Variants in SCARB1 observed in about 807,000 individuals in gnomAD.
SCARB1 encodes the protein CD36 and LIMPII analogous 1.
SCARB1 carries 30 observed loss-of-function variants against 57.2 expected under a neutral mutation model. The ratio of observed to expected loss-of-function variants is 0.52; its 90% CI spans 0.39 to 0.71. The LOEUF (loss-of-function observed/expected upper bound fraction) is 0.71. SCARB1 is among the 30% of genes least tolerant of loss of function. The pLI is 0.00. For synonymous variants in SCARB1, 249 were observed against 268.3 expected, an observed-to-expected ratio of 0.93 and a Z score of 0.70; for missense variants, 543 against 671.2, an observed-to-expected ratio of 0.81 and a Z score of 2.11.
At chr12:124,862,923 T>C (rs912027373) in intron 1 of SCARB1, among the ~76,000 whole-genome samples, 5 of 152,176 alleles carry the variant, frequency 3.3e-5, no homozygotes, top group African/African-American at 9.6e-5. Context: ...TCAGAGGACC[T>C]TGGGCTGCTG....
At chr12:124,820,187 A>G (rs2135703841) in intron 1 of SCARB1, among the ~76,000 whole-genome samples, 1 of 152,298 alleles carries the variant, frequency 6.6e-6, no homozygotes. Context: ...ATGAGGTAAC[A>G]GAAGCGAGCA....
chr12:124,851,935 C>T (rs907277491), intron 1 of SCARB1, among the ~76,000 whole-genome samples: 1 of 152,048 alleles, frequency 6.6e-6, no homozygotes. Context: ...TAATGGCGCC[C>T]GGCCTATAAA....
chr12:124,819,341 G>C (rs145538401), intron 1 of SCARB1, among the ~76,000 whole-genome samples: 1 of 152,080 alleles, frequency 6.6e-6, no homozygotes, highest in Non-Finnish European at 1.5e-5. Flanking sequence ...TGAGCCAGTC[G>C]GAAGATGAGA....
At chr12:124,835,121 G>A (rs906701945) in intron 1 of SCARB1, among the ~76,000 whole-genome samples, 1 of 152,164 alleles carries the variant, frequency 6.6e-6, no homozygotes, top group African/African-American at 2.4e-5. Context: ...GACGGATGAG[G>A]CAATGTCTGA....
rs1372658778 is a variant in SCARB1, at chr12:124,863,831, G to A, written c.-111C>T. 4.7e-6 allele frequency: 6 copies of A among 1,289,456 alleles called. No homozygotes were observed. The East Asian group carries it at 1.9e-4, about 40-fold the overall frequency. 79.9% of individuals were successfully genotyped at this position (1,289,456 alleles called of 1,614,324 possible). A position where few individuals can be genotyped will look rare whatever the true frequency, so the allele number is the denominator to read the frequency against. ...GGACTCCGGGCACGCAGGCCGCAGA[G>A]GCACGGTGGATCCGGGACGGCAGCG... is the stretch of plus-strand genomic sequence containing the variant. On this transcript the variant is annotated 5_prime_UTR_variant, in exon 1 of 13. Coordinates refer to ENST00000261693, the MANE Select transcript of SCARB1 (RefSeq NM_005505.5).
rs1949634309 is a variant in SCARB1 at position 124,789,195 on chromosome 12, C to T, written c.1203-1738G>A. On this transcript the variant is annotated intron_variant, in intron 9 of 12. Coordinates refer to ENST00000261693, the MANE Select transcript of SCARB1 (RefSeq NM_005505.5). This position sits in a 1 kb window ranked among gnomAD's most constrained non-coding sequence, Gnocchi z 4.4. The stretch of plus-strand genomic sequence containing the variant: ...CATCAACAGTGATACAGTATGTTGA[C>T]GGAATGTACCCAAGATGCTCTGAAA... 6.6e-6 allele frequency among the ~76,000 whole-genome samples: 1 copy of T among 152,200 alleles called. No homozygotes were observed. Among genetic ancestry groups the T allele is most frequent in the African/African-American group, 2.4e-5 (1 of 41,446 alleles).
chr12:124,811,508 G>A (rs1300215376), intron 5 of SCARB1, among the ~76,000 whole-genome samples: 1 of 152,102 alleles, frequency 6.6e-6, no homozygotes, highest in Non-Finnish European at 1.5e-5. Flanking sequence ...CCTGACCTCA[G>A]GTGATCCCCC....
intron 9 of SCARB1, among the ~76,000 whole-genome samples, chr12:124,792,341 C>G (rs1225386424): frequency 1.3e-5 from 2 of 152,096 alleles, no homozygotes; most frequent in East Asian, 1.9e-4. Flanking sequence ...TCCCAGTCCA[C>G]AGGGAGGTCA....
At position 124,782,764 on chromosome 12, in the gene SCARB1, A is replaced by C. The variant is rs781314369; in HGVS notation, c.1449T>G (p.Asp483Glu). ...FWSSSKKGSK[D>E]KEAIQAYSES... Reference sequence around the variant, plus strand: ...CAGAATAGGCCTGAATGGCCTCCTTATCCTTTGAGCCCTTTTTACTACTAC... The same window carrying C: ...CAGAATAGGCCTGAATGGCCTCCTTCTCCTTTGAGCCCTTTTTACTACTAC... Residue 483 changes from aspartate to glutamate, a missense_variant, in exon 12 of 13, where the codon GAT (aspartate) becomes GAG (glutamate). By Grantham distance (45) the Asp-to-Glu change is conservative. Coordinates refer to ENST00000261693, the MANE Select transcript of SCARB1 (RefSeq NM_005505.5). 7.4e-6 allele frequency: 12 copies of C among 1,613,062 alleles called. No homozygotes were observed. In the South Asian group the frequency reaches 1.1e-4, roughly 15 times the overall value.
intron 1 of SCARB1, among the ~76,000 whole-genome samples, chr12:124,849,659 C>T (rs1047596931): frequency 7.2e-5 from 11 of 152,260 alleles, no homozygotes; most frequent in Non-Finnish European, 1.5e-4. Context: ...GAGTAAACCT[C>T]TGCTACCTAC....
chr12:124,833,233 A>C (rs1951489183), intron 1 of SCARB1, among the ~76,000 whole-genome samples: 1 of 148,380 alleles, frequency 6.7e-6, no homozygotes, highest in Admixed American at 6.8e-5. Context: ...CTCTGTTGCC[A>C]GGCTGGAATG....
intron 1 of SCARB1, among the ~76,000 whole-genome samples, chr12:124,832,477 G>GC (rs1951441693): frequency 6.6e-6 from 1 of 151,366 alleles, no homozygotes; most frequent in South Asian, 2.1e-4. Flanking sequence ...CCGAGATTGT[G>GC]CCACTGCACT....
chr12:124,782,692 T>C lies in SCARB1; in HGVS notation c.1521A>G (p.Ala507=). The C allele has an allele frequency of 6.2e-7, 1 of 1,614,062 alleles. No homozygotes were observed. The highest frequency in any genetic ancestry group is 8.5e-7 in the Non-Finnish European group (1 of 1,179,970). ...SAPKGSVLQE[A]KL ...ATTACCTGGTACCCACCTACAGTTT[T>C]GCTTCCTGCAGCACAGAGCCCTTGG... is the stretch of plus-strand genomic sequence containing the variant. The change falls in exon 12 of 13, where the codon GCA becomes GCG. Residue 507 remains alanine, a synonymous_variant. Transcript: ENST00000261693.
intron 7 of SCARB1, among the ~76,000 whole-genome samples, chr12:124,802,346 T>G (rs1462616397): frequency 6.6e-6 from 1 of 152,150 alleles, no homozygotes; most frequent in Admixed American, 6.5e-5. Context: ...GACCTTCTCC[T>G]GCAGGTGATG....
rs55836313 is a variant in SCARB1 at position 124,796,515 on chromosome 12, G to A, written c.1129-1247C>T. 0.042 allele frequency among the ~76,000 whole-genome samples: 6,392 copies of A among 152,278 alleles called. 361 individuals are homozygous for A. Among genetic ancestry groups the A allele is most frequent in the African/African-American group, 0.13 (5,318 of 41,536 alleles). On this transcript the variant is annotated intron_variant, in intron 8 of 12. Coordinates refer to ENST00000261693, the MANE Select transcript of SCARB1 (RefSeq NM_005505.5). This position sits in a 1 kb window ranked among gnomAD's most constrained non-coding sequence, Gnocchi z 4.0. ...ATAGTGGAAATAAAACTAGATTTGA[G>A]GTCAGAGAACTGCAGTTGGTTCTTC...
chr12:124,829,275 C>T lies in SCARB1; in HGVS notation c.127-11568G>A, dbSNP rs372888296. ...CTCAAATCCATCCACTTCTCTCCAA[C>T]ACCATCCTGGCCCCCATCCTGGCTT... On this transcript the variant is annotated intron_variant, in intron 1 of 12. Transcript: ENST00000261693. Among the ~76,000 whole-genome samples, 5 of 152,190 alleles carry T rather than the reference C, an allele frequency of 3.3e-5. No homozygotes were observed. The East Asian group carries it at 5.8e-4, about 18-fold the overall frequency.
chr12:124,820,539 G>A (rs897977536), intron 1 of SCARB1, among the ~76,000 whole-genome samples: 1 of 151,712 alleles, frequency 6.6e-6, no homozygotes, highest in Non-Finnish European at 1.5e-5. Context: ...GGCCCCGATC[G>A]CCCAGCCCTT....
In SCARB1 at chr12:124,812,055, C is replaced by T. The variant is rs532003403; in HGVS notation, c.631-90G>A. 4.9e-5 allele frequency: 47 copies of T among 968,696 alleles called. No individual in the cohort carries two copies. The highest frequency in any genetic ancestry group is 1.9e-5 in the Non-Finnish European group (12 of 616,960). 60.0% of individuals were successfully genotyped at this position (968,696 alleles called of 1,614,324 possible). A position where few individuals can be genotyped will look rare whatever the true frequency, so the allele number is the denominator to read the frequency against. Reference sequence around the variant, plus strand: ...ACATTCTGGGCTGAGCCCTCCTCCCCCTCCACCAGAAGGACAGGGCCCCCA... The same window carrying T: ...ACATTCTGGGCTGAGCCCTCCTCCCTCTCCACCAGAAGGACAGGGCCCCCA... On this transcript the variant is annotated intron_variant, in intron 4 of 12. Coordinates refer to ENST00000261693, the MANE Select transcript of SCARB1 (RefSeq NM_005505.5). The surrounding 1 kb of genome is among the most constrained non-coding windows in gnomAD (Gnocchi z 4.3).
chr12:124,811,376 C>T (rs771326818), intron 5 of SCARB1, among the ~76,000 whole-genome samples: 9 of 152,208 alleles, frequency 5.9e-5, no homozygotes, highest in Middle Eastern at 3.2e-3. Flanking sequence ...TGTGTTCAAG[C>T]GATTCTCCTG....
Sources: allele counts gnomAD v4.1 joint callset (sites outside exome capture counted in the v4.1 genomes callset), GRCh38; gene constraint gnomAD v4.1.1; non-coding constraint Gnocchi (gnomAD v3.1); transcripts MANE v1.5; gene names NCBI Gene and HGNC (gene_info 2026-07-23, HGNC 2026-07-21).